The following DST variants were observed in gnomAD, a reference collection of about 807,000 sequenced individuals.
DST encodes bullous pemphigoid antigen.
A neutral mutation model predicts 875.2 loss-of-function variants in DST; 253 were observed. The ratio of observed to expected loss-of-function variants is 0.29; its 90% CI spans 0.26 to 0.32. The LOEUF (loss-of-function observed/expected upper bound fraction) is 0.32. DST is among the 10% of genes least tolerant of loss of function. DST has a pLI of 1.00. For missense variants in DST, 8,287 were observed against 9,111.6 expected (o/e 0.91, Z 3.68); for synonymous variants, 3,124 against 3,197.1 (o/e 0.98, Z 0.77).
intron 9 of DST, chr6:56,692,629 GT>G (rs1443293423): frequency 1.6e-6 from 2 of 1,289,702 alleles, no homozygotes; most frequent in East Asian, 5.5e-5. Context: ...AAAAACATCA[GT>G]TTTTTCCTGG....
chr6:56,871,911 T>C (rs184745916), intron 3 of DST, among the ~76,000 whole-genome samples: 3 of 152,218 alleles, frequency 2.0e-5, no homozygotes, highest in Admixed American at 2.0e-4. Context: ...CTAATATTAC[T>C]ATGTGTTGAA....
At chr6:56,627,357 T>G (rs2098744079) in intron 33 of DST, 70 bp from the exon 34 acceptor site, 2 of 1,035,364 alleles carry the variant, frequency 1.9e-6, no homozygotes, top group African/African-American at 3.1e-5. Context: ...AGATGCTCAG[T>G]AACTAAGACA....
At chr6:56,464,302 A>G (rs2094475196) in intron 100 of DST, 1 of 272,890 alleles carries the variant, frequency 3.7e-6, no homozygotes, top group African/African-American at 2.2e-5. Flanking sequence ...TTTCACTTAA[A>G]TGAGGCAGCT....
At chr6:56,823,638 T>G (rs2099775791) in intron 4 of DST, among the ~76,000 whole-genome samples, 1 of 152,024 alleles carries the variant, frequency 6.6e-6, no homozygotes, top group African/African-American at 2.4e-5. Flanking sequence ...CTCGATCTCT[T>G]GACCTTGTGA....
intron 17 of DST, 49 bp from the exon 18 acceptor site, chr6:56,640,654 A>G (rs913320179): frequency 7.3e-7 from 1 of 1,369,470 alleles, no homozygotes; most frequent in Non-Finnish European, 1.0e-6. Context: ...GGCACTTGTA[A>G]CAAAGAGTGA....
Position 56,781,374 on chromosome 6 carries a change from C to T in DST, c.626-46085G>A, listed in dbSNP as rs1388177857. Among the ~76,000 whole-genome samples, 7 of 152,024 alleles carry T rather than the reference C, an allele frequency of 4.6e-5. No homozygotes were observed. In the South Asian group the frequency reaches 8.3e-4, roughly 18 times the overall value. On this transcript the variant is annotated intron_variant, in intron 4 of 103. Transcript: ENST00000680361. ...CATGAGCATGGAATGTTCTTCCATT[C>T]GTTTGTATCCTCTTTTATTTCATTG...
chr6:56,810,181 T>C (rs368451506), intron 4 of DST, among the ~76,000 whole-genome samples: 6 of 152,242 alleles, frequency 3.9e-5, no homozygotes, highest in East Asian at 1.9e-4. Flanking sequence ...TAGCCAGGCA[T>C]GGTGGCACGT....
At chr6:56,590,472 T>A (rs1415706446) in intron 49 of DST, among the ~76,000 whole-genome samples, 1 of 152,244 alleles carries the variant, frequency 6.6e-6, no homozygotes, top group Non-Finnish European at 1.5e-5. Context: ...TTTTAAATGA[T>A]ACGTATTTCC....
In DST at chr6:56,528,039, A is replaced by G. The variant is rs536824794; in HGVS notation, c.17681-305T>C. Among the ~76,000 whole-genome samples, 5 of 152,326 alleles carry G rather than the reference A, an allele frequency of 3.3e-5. No individual in the cohort carries two copies. In the South Asian group the frequency reaches 1.0e-3, roughly 32 times the overall value. On this transcript the variant is annotated intron_variant, in intron 67 of 103. Transcript: ENST00000680361. The stretch of plus-strand genomic sequence containing the variant: ...TTTGTTTTCAAAGAAGAGAGGTTAA[A>G]AACTGCTTGAGTTCAAATACTGACT...
Position 56,529,759 on chromosome 6 carries a change from T to C in DST, c.17284A>G (p.Ile5762Val). The C allele has an allele frequency of 6.3e-7, 1 of 1,581,664 alleles. No individual in the cohort carries two copies. Among genetic ancestry groups the C allele is most frequent in the Non-Finnish European group, 8.6e-7 (1 of 1,165,230 alleles). ...TGTAAATGTTTATTGTGATTGATGATGTCATCTTCTAAGGCCTAAGCAAAG... is the reference window on the plus strand; with the variant it reads ...TGTAAATGTTTATTGTGATTGATGACGTCATCTTCTAAGGCCTAAGCAAAG... Reference protein sequence around the residue: ...IAQHKALEDDIINHNKHLHQA... With the variant: ...IAQHKALEDDVINHNKHLHQA... Residue 5762 changes from isoleucine to valine, a missense_variant, in exon 66 of 104, where the codon ATC (isoleucine) becomes GTC (valine). Transcript: ENST00000680361.
intron 58 of DST, among the ~76,000 whole-genome samples, chr6:56,558,951 A>AGT (rs780996803): frequency 9.9e-5 from 15 of 152,122 alleles, no homozygotes; most frequent in Non-Finnish European, 1.8e-4. Context: ...TCCTCAAGAC[A>AGT]GTATGCTCCC....
At chr6:56,787,697 A>T (rs1446708297) in intron 4 of DST, among the ~76,000 whole-genome samples, 1 of 152,216 alleles carries the variant, frequency 6.6e-6, no homozygotes, top group Non-Finnish European at 1.5e-5. Flanking sequence ...AATAAATGCC[A>T]AACTTTGTTT....
chr6:56,871,113 T>C (rs1225893553), intron 3 of DST: 1 of 577,866 alleles, frequency 1.7e-6, no homozygotes, highest in African/African-American at 1.9e-5. Context: ...CTAATAAACA[T>C]ACAAAAAGAT....
At chr6:56,753,300 A>G (rs943809363) in intron 4 of DST, among the ~76,000 whole-genome samples, 1 of 152,200 alleles carries the variant, frequency 6.6e-6, no homozygotes, top group Non-Finnish European at 1.5e-5. Context: ...CAGGAAGGCA[A>G]CAGAAAACAG....
chr6:56,701,512 T>C (rs938584464), intron 8 of DST, among the ~76,000 whole-genome samples: 4 of 152,000 alleles, frequency 2.6e-5, no homozygotes, highest in African/African-American at 9.7e-5. Flanking sequence ...TATTTTTATA[T>C]ACTAAGTGTA....
At chr6:56,851,374 T>A (rs1431850298) in intron 4 of DST, 23 bp downstream of exon 4, 1 of 1,605,324 alleles carries the variant, frequency 6.2e-7, no homozygotes, top group Admixed American at 1.7e-5. Context: ...CCCCACTCCA[T>A]CCCCTTCCCC....
intron 5 of DST, among the ~76,000 whole-genome samples, chr6:56,732,419 G>C (rs991442659): frequency 6.6e-6 from 1 of 151,802 alleles, no homozygotes; most frequent in African/African-American, 2.4e-5. Context: ...TCTAATAATT[G>C]CTTTTGTGTT....
chr6:56,604,754 C>T lies in DST; in HGVS notation c.9874G>A (p.Glu3292Lys), dbSNP rs753725962. The T allele has an allele frequency of 2.5e-6, 4 of 1,612,760 alleles. No homozygotes were observed. The South Asian group carries it at 4.4e-5, about 18-fold the overall frequency. Residue 3292 changes from glutamate (E) to lysine (K), a missense_variant, in exon 40 of 104, where the codon GAG becomes AAG. Transcript: ENST00000680361. ...DVGKNDFLQS[E>K]RCANGLGNDN... ...TTTCCTAATCCATTTGCACACCGCTCCGACTGCAGAAAATCATTTTTCCCA... is the reference window on the plus strand; with the variant it reads ...TTTCCTAATCCATTTGCACACCGCTTCGACTGCAGAAAATCATTTTTCCCA...
rs139169669 is a variant in DST, at chr6:56,679,088, ACTTACGAGGGTTGAAGAAAATTATTTTT to A, written c.1048-8309_1048-8282del. Among the ~76,000 whole-genome samples the A allele has an allele frequency of 8.0e-3, 1,221 of 152,250 alleles. 16 individuals are homozygous for A. The highest frequency in any genetic ancestry group is 0.028 in the African/African-American group (1,161 of 41,546). ...TTGTTGTAGGCATCCATTCCAGCTAACTTACGAGGGTTGAAGAAAATTATTTTTCTTCCTCTACAGATGCCCCTTCTAT... is the reference window on the plus strand; with the variant it reads ...TTGTTGTAGGCATCCATTCCAGCTAACTTCCTCTACAGATGCCCCTTCTAT... On this transcript the variant is annotated intron_variant, in intron 9 of 103. Transcript: ENST00000680361.
Sources: allele counts gnomAD v4.1 joint callset (sites outside exome capture counted in the v4.1 genomes callset), GRCh38; gene constraint gnomAD v4.1.1; transcripts MANE v1.5; gene names NCBI Gene and HGNC (gene_info 2026-07-23, HGNC 2026-07-21).